Variants in TMEM135 observed in about 807,000 individuals in gnomAD.
TMEM135 encodes peroxisomal membrane protein 52.
Under a neutral mutation model 60.3 loss-of-function variants are expected in TMEM135, and 30 were observed. The observed-to-expected ratio is 0.50, with a 90% CI of 0.37 to 0.68. TMEM135 has a LOEUF of 0.68. TMEM135 is among the 30% of genes least tolerant of loss of function. The pLI, the probability that TMEM135 is intolerant of heterozygous loss-of-function variation, is 0.00. For missense variants in TMEM135, 468 were observed against 548.8 expected (o/e 0.85, Z 1.47); for synonymous variants, 190 against 186.7 (o/e 1.02, Z -0.14).
chr11:87,066,404 T>C (rs1049538201), intron 1 of TMEM135, among the ~76,000 whole-genome samples: 6 of 152,182 alleles, frequency 3.9e-5, no homozygotes, highest in Non-Finnish European at 8.8e-5. Flanking sequence ...TTCTATTATA[T>C]TACTAACACT....
At chr11:87,284,701 C>T (rs1412251614) in intron 6 of TMEM135, among the ~76,000 whole-genome samples, 1 of 152,160 alleles carries the variant, frequency 6.6e-6, no homozygotes, top group African/African-American at 2.4e-5. Flanking sequence ...GGGAATTTCA[C>T]TATTTAAAGG....
At chr11:87,305,899 A>G (rs1240199262) in intron 8 of TMEM135, 37 bp from the exon 9 acceptor site, 2 of 1,546,140 alleles carry the variant, frequency 1.3e-6, no homozygotes, top group Middle Eastern at 1.8e-4. Context: ...ACACACTTTA[A>G]TTATAATTAG....
intron 4 of TMEM135, among the ~76,000 whole-genome samples, chr11:87,117,032 A>G (rs1857905635): frequency 1.3e-5 from 2 of 152,138 alleles, no homozygotes; most frequent in South Asian, 4.1e-4. Context: ...CATGTTGGTC[A>G]GGCTGGTCTC....
At chr11:87,106,079 C>G (rs1857587594) in intron 4 of TMEM135, among the ~76,000 whole-genome samples, 1 of 151,600 alleles carries the variant, frequency 6.6e-6, no homozygotes, top group South Asian at 2.1e-4. Flanking sequence ...CCAGTTCCAT[C>G]TGTGTTGCTG....
chr11:87,061,885 G>A (rs1326968616), intron 1 of TMEM135, among the ~76,000 whole-genome samples: 1 of 152,188 alleles, frequency 6.6e-6, no homozygotes, highest in Non-Finnish European at 1.5e-5. Flanking sequence ...TCTTCAGTCT[G>A]TGCCCATCGT....
At chr11:87,231,354 T>C (rs1370794142) in intron 5 of TMEM135, among the ~76,000 whole-genome samples, 1 of 152,214 alleles carries the variant, frequency 6.6e-6, no homozygotes, top group Non-Finnish European at 1.5e-5. Flanking sequence ...ATAGGAATAC[T>C]GTTTTATTAG....
intron 1 of TMEM135, among the ~76,000 whole-genome samples, chr11:87,044,097 G>A (rs1298864287): frequency 6.6e-6 from 1 of 152,068 alleles, no homozygotes; most frequent in East Asian, 1.9e-4. Flanking sequence ...GGATGAACAT[G>A]TTTACTCAAT....
chr11:87,168,322 T>G (rs890990986), intron 5 of TMEM135, among the ~76,000 whole-genome samples: 11 of 152,166 alleles, frequency 7.2e-5, no homozygotes, highest in Non-Finnish European at 5.9e-5. Flanking sequence ...TGCTCTGATC[T>G]TAGTTGTTTC....
intron 5 of TMEM135, among the ~76,000 whole-genome samples, chr11:87,168,857 C>G (rs957551627): frequency 3.3e-5 from 5 of 152,042 alleles, no homozygotes; most frequent in Non-Finnish European, 7.4e-5. Flanking sequence ...CCTGGATATC[C>G]TTGTTAATTT....
intron 3 of TMEM135, among the ~76,000 whole-genome samples, chr11:87,086,557 G>GT (rs1565434725): frequency 6.6e-6 from 1 of 151,792 alleles, no homozygotes; most frequent in African/African-American, 2.4e-5. Flanking sequence ...ACAGTTTGGT[G>GT]TTTTTTTTCC....
intron 4 of TMEM135, among the ~76,000 whole-genome samples, chr11:87,124,265 GA>G (rs1186958236): frequency 6.6e-6 from 1 of 152,114 alleles, no homozygotes; most frequent in Non-Finnish European, 1.5e-5. Flanking sequence ...CGAGTCTCAG[GA>G]AAAAATGGAA....
chr11:87,118,947 T>C (rs1160127154), intron 4 of TMEM135, among the ~76,000 whole-genome samples: 3 of 152,184 alleles, frequency 2.0e-5, no homozygotes, highest in Non-Finnish European at 4.4e-5. Context: ...TTGTGGTTGG[T>C]TTAATCTTCT....
chr11:87,184,728 A>G (rs1939607794), intron 5 of TMEM135, among the ~76,000 whole-genome samples: 1 of 152,084 alleles, frequency 6.6e-6, no homozygotes, highest in South Asian at 2.1e-4. Context: ...TTTGTATTGA[A>G]TGCCTGTAGC....
intron 5 of TMEM135, among the ~76,000 whole-genome samples, chr11:87,208,203 C>T (rs1940281100): frequency 6.6e-6 from 1 of 152,146 alleles, no homozygotes; most frequent in South Asian, 2.1e-4. Flanking sequence ...CGCAATAGCT[C>T]CTTAGCAATG....
chr11:87,299,523 A>G (rs1166233103), intron 7 of TMEM135, among the ~76,000 whole-genome samples: 1 of 152,208 alleles, frequency 6.6e-6, no homozygotes, highest in East Asian at 1.9e-4. Context: ...GAGCCAAACC[A>G]TATCAGCACT....
At chr11:87,156,216 C>CT (rs531325747) in intron 4 of TMEM135, among the ~76,000 whole-genome samples, 32 of 152,138 alleles carry the variant, frequency 2.1e-4, no homozygotes, top group Non-Finnish European at 3.2e-4. Flanking sequence ...ATTCCATTGT[C>CT]TTAGATGTCC....
chr11:87,195,688 G>A lies in TMEM135; in HGVS notation c.462+38282G>A, dbSNP rs1939939125. ...GCCTCCCAAAGCGTTGGGATTACAGGCATGAGCCACTGTGCCCAGACGAAA... is the reference window on the plus strand; with the variant it reads ...GCCTCCCAAAGCGTTGGGATTACAGACATGAGCCACTGTGCCCAGACGAAA... On this transcript the variant is annotated intron_variant, in intron 5 of 14. Coordinates refer to ENST00000305494, the MANE Select transcript of TMEM135 (RefSeq NM_022918.4). Among the ~76,000 whole-genome samples, 4 of 152,116 alleles carry A rather than the reference G, an allele frequency of 2.6e-5. No individual in the cohort carries two copies. The South Asian group carries it at 6.2e-4, about 24-fold the overall frequency.
intron 5 of TMEM135, among the ~76,000 whole-genome samples, chr11:87,161,749 T>A (rs912805316): frequency 7.9e-5 from 12 of 152,218 alleles, no homozygotes; most frequent in African/African-American, 2.9e-4. Context: ...ATTTTTAAAA[T>A]TTTTAAAATA....
intron 5 of TMEM135, among the ~76,000 whole-genome samples, chr11:87,187,308 G>C (rs1454419750): frequency 6.6e-6 from 1 of 152,202 alleles, no homozygotes; most frequent in Non-Finnish European, 1.5e-5. Flanking sequence ...GAAAGTATGT[G>C]TACTAAGTTG....
Sources: gnomAD v4.1 joint callset for allele counts (sites outside exome capture counted in the v4.1 genomes callset) on GRCh38, gnomAD v4.1.1 for gene constraint, MANE v1.5 for transcripts, NCBI Gene and HGNC (gene_info 2026-07-23, HGNC 2026-07-21) for gene names.